Variants in ENOX1 observed in about 807,000 individuals in gnomAD.
The protein encoded by ENOX1 is candidate growth-related and time keeping constitutive hydroquinone (NADH) oxidase.
ENOX1 carries 42 observed loss-of-function variants against 82.5 expected under a neutral mutation model. The ratio of observed to expected loss-of-function variants is 0.51; its 90% confidence interval spans 0.40 to 0.66. The LOEUF (loss-of-function observed/expected upper bound fraction) is 0.66. Among genes scored for constraint, ENOX1 ranks in the 30% least tolerant of loss-of-function variants. The pLI is 0.00. For synonymous variants in ENOX1, 271 were observed against 282.2 expected (o/e 0.96, Z 0.40); for missense variants, 608 against 811.6 (o/e 0.75, Z 3.05).
intron 1 of ENOX1, among the ~76,000 whole-genome samples, chr13:43,683,881 T>C (rs998433820): frequency 5.3e-5 from 8 of 152,054 alleles, no homozygotes; most frequent in African/African-American, 1.9e-4. Flanking sequence ...CACTGAACCA[T>C]GTGTCGCAAA....
chr13:43,378,918 T>C (rs867497433), intron 5 of ENOX1, among the ~76,000 whole-genome samples: 4 of 152,168 alleles, frequency 2.6e-5, no homozygotes, highest in African/African-American at 7.2e-5. Context: ...TTCTGGATTA[T>C]TGATGGGGGC....
intron 8 of ENOX1, among the ~76,000 whole-genome samples, chr13:43,355,704 G>A (rs971855829): frequency 2.0e-5 from 3 of 152,208 alleles, no homozygotes; most frequent in African/African-American, 7.2e-5. Context: ...CCAGGCAGAA[G>A]ATGAAGCCCA....
chr13:43,365,737 C>T (rs2050806746), intron 5 of ENOX1, among the ~76,000 whole-genome samples: 1 of 152,220 alleles, frequency 6.6e-6, no homozygotes, highest in Non-Finnish European at 1.5e-5. Context: ...CCTCAGTTAT[C>T]AGATACGGAG....
chr13:43,407,581 A>G (rs990097745), intron 5 of ENOX1, among the ~76,000 whole-genome samples: 2 of 152,162 alleles, frequency 1.3e-5, no homozygotes, highest in African/African-American at 2.4e-5. Flanking sequence ...TAATGCAGGC[A>G]TTTTTTAAAG....
intron 1 of ENOX1, among the ~76,000 whole-genome samples, chr13:43,721,918 A>G (rs2088610233): frequency 6.6e-6 from 1 of 152,164 alleles, no homozygotes; most frequent in South Asian, 2.1e-4. Flanking sequence ...TATAAGGACG[A>G]AAGATCTTAG....
intron 2 of ENOX1, among the ~76,000 whole-genome samples, chr13:43,630,705 T>A (rs1349006727): frequency 6.6e-6 from 1 of 151,990 alleles, no homozygotes; most frequent in African/African-American, 2.4e-5. Flanking sequence ...TTACTTATAC[T>A]AGAATATTTC....
At chr13:43,228,420 A>T (rs1022172561) in intron 15 of ENOX1, among the ~76,000 whole-genome samples, 9 of 152,172 alleles carry the variant, frequency 5.9e-5, no homozygotes, top group African/African-American at 1.2e-4. Context: ...TGCCTAATTT[A>T]AAAAAATTTT....
At chr13:43,595,932 A>G (rs1455682309) in intron 2 of ENOX1, among the ~76,000 whole-genome samples, 1 of 132,806 alleles carries the variant, frequency 7.5e-6, no homozygotes, top group Non-Finnish European at 1.5e-5. Context: ...CTCAATTACC[A>G]TATATGCTCT....
chr13:43,257,010 C>T lies in ENOX1; in HGVS notation c.1611+8388G>A, dbSNP rs369306876. Reference sequence around the variant, plus strand: ...AATGGAATCCTGTCATTTGCAGCAACGTGAATGAAACTGGAGGTGATTACG... The same window carrying T: ...AATGGAATCCTGTCATTTGCAGCAATGTGAATGAAACTGGAGGTGATTACG... On this transcript the variant is annotated intron_variant, in intron 14 of 16. Coordinates refer to ENST00000690772, the MANE Select transcript of ENOX1 (RefSeq NM_001347969.2). Among the ~76,000 whole-genome samples, 285 of 152,208 alleles carry T rather than the reference C, an allele frequency of 1.9e-3. 1 individual carries two copies. Among genetic ancestry groups the T allele is most frequent in the African/African-American group, 6.3e-3 (261 of 41,524 alleles).
intron 2 of ENOX1, among the ~76,000 whole-genome samples, chr13:43,566,114 C>A (rs186666847): frequency 6.8e-4 from 103 of 152,254 alleles, no homozygotes; most frequent in Non-Finnish European, 1.2e-3. Flanking sequence ...AATGTTTTTG[C>A]TACTAAAATT....
At chr13:43,458,085 G>C (rs2057308494) in intron 3 of ENOX1, among the ~76,000 whole-genome samples, 1 of 151,978 alleles carries the variant, frequency 6.6e-6, no homozygotes, top group Non-Finnish European at 1.5e-5. Flanking sequence ...TCTATCCTCT[G>C]TCATACTCAA....
At chr13:43,650,039 C>G (rs1437917621) in intron 2 of ENOX1, among the ~76,000 whole-genome samples, 1 of 152,228 alleles carries the variant, frequency 6.6e-6, no homozygotes, top group East Asian at 1.9e-4. Context: ...ACCATCAACA[C>G]CTCTGACAAC....
intron 2 of ENOX1, among the ~76,000 whole-genome samples, chr13:43,513,272 G>A (rs980650362): frequency 1.3e-5 from 2 of 152,092 alleles, no homozygotes; most frequent in Non-Finnish European, 2.9e-5. Flanking sequence ...TCACGCCACT[G>A]CACTCCAGCC....
chr13:43,245,227 G>C (rs1489257047), intron 14 of ENOX1, among the ~76,000 whole-genome samples: 1 of 152,204 alleles, frequency 6.6e-6, no homozygotes, highest in African/African-American at 2.4e-5. Flanking sequence ...CTGGCCTGCT[G>C]TGTTTCTTTG....
At chr13:43,493,680 G>T (rs2076698234) in intron 2 of ENOX1, among the ~76,000 whole-genome samples, 1 of 152,116 alleles carries the variant, frequency 6.6e-6, no homozygotes, top group African/African-American at 2.4e-5. Context: ...ATTCCCCTGG[G>T]GGCAGGCCTA....
intron 5 of ENOX1, among the ~76,000 whole-genome samples, chr13:43,362,578 A>G (rs2050597401): frequency 6.6e-6 from 1 of 150,922 alleles, no homozygotes; most frequent in Non-Finnish European, 1.5e-5. Context: ...CCCTTTGTAC[A>G]GTTCTCCTGT....
At chr13:43,471,091 G>A (rs575812603) in intron 3 of ENOX1, among the ~76,000 whole-genome samples, 52 of 152,232 alleles carry the variant, frequency 3.4e-4, no homozygotes, top group African/African-American at 1.3e-3. Context: ...CATACTAGTC[G>A]AAATGTGGAA....
rs1952628700 is a variant in ENOX1, at chr13:43,786,418, A to T, written c.-285+234T>A. ...GGGCGCTGGGCACCCCCGGGCGCGT[A>T]AAAGTGAGGGAGCTTGAGACGGGGC... On this transcript the variant is annotated intron_variant, in intron 1 of 16. Coordinates refer to ENST00000690772, the MANE Select transcript of ENOX1 (RefSeq NM_001347969.2). The surrounding 1 kb of genome is among the most constrained non-coding windows in gnomAD (Gnocchi z 6.0). Among the ~76,000 whole-genome samples the T allele has an allele frequency of 6.6e-6, 1 of 151,040 alleles. No individual in the cohort carries two copies. The highest frequency in any genetic ancestry group is 1.5e-5 in the Non-Finnish European group (1 of 67,650).
intron 2 of ENOX1, among the ~76,000 whole-genome samples, chr13:43,638,811 T>C (rs1204494105): frequency 2.0e-5 from 3 of 152,212 alleles, no homozygotes; most frequent in African/African-American, 7.2e-5. Context: ...GTGTAATATA[T>C]CTAAATATTG....
Sources: allele counts gnomAD v4.1 joint callset (sites outside exome capture counted in the v4.1 genomes callset), GRCh38; gene constraint gnomAD v4.1.1; non-coding constraint Gnocchi (gnomAD v3.1); transcripts MANE v1.5; gene names NCBI Gene and HGNC (gene_info 2026-07-23, HGNC 2026-07-21).